SAMHD1: variants seen among roughly 807,000 people sequenced by gnomAD.
SAMHD1 encodes the protein SAM and HD domain containing deoxynucleoside triphosphate triphosphohydrolase 1.
SAMHD1 carries 54 observed loss-of-function variants against 79.6 expected under a neutral mutation model. The observed-to-expected ratio is 0.68, with a 90% CI of 0.55 to 0.85. The LOEUF (loss-of-function observed/expected upper bound fraction) is 0.85. Ranked by LOEUF, SAMHD1 falls within the 40% of genes least tolerant of loss-of-function variation. SAMHD1 has a pLI of 0.00. For synonymous variants in SAMHD1, 260 were observed against 264.1 expected (o/e 0.98, Z 0.15); for missense variants, 663 against 782.7 (o/e 0.85, Z 1.82).
chr20:36,934,642 GTTTTCT>G (rs1027236251), intron 4 of SAMHD1: 1 of 133,288 alleles, frequency 7.5e-6, no homozygotes, highest in Non-Finnish European at 1.6e-5. Flanking sequence ...TTTTTTTCCT[GTTTTCT>G]TTTTCTTTCT....
chr20:36,951,653 T>G lies in SAMHD1; in HGVS notation c.-10A>C, dbSNP rs199721283. The G allele has an allele frequency of 6.2e-7, 1 of 1,612,848 alleles. No individual in the cohort carries two copies. Among genetic ancestry groups the G allele is most frequent in the Admixed American group, 1.7e-5 (1 of 60,024 alleles). ...AATCGGCTCGCTGCATGGCTACACC[T>G]GGCGTCCGGCACAGCAGTCAAGAAC... On this transcript the variant is annotated 5_prime_UTR_variant, in exon 1 of 16. Coordinates refer to ENST00000646673, the MANE Select transcript of SAMHD1 (RefSeq NM_015474.4).
At chr20:36,951,361 G>T in intron 1 of SAMHD1, 75 bp downstream of exon 1, 2 of 1,595,204 alleles carry the variant, frequency 1.3e-6, no homozygotes. Context: ...CTCTCGTGGG[G>T]CCCCCTCCCT....
downstream of SAMHD1, chr20:36,890,156 G>A (rs1990025737): frequency 6.6e-6 from 1 of 152,230 alleles, no homozygotes; most frequent in African/African-American, 2.4e-5. Context: ...TATGAAAGGA[G>A]TAAATGAGTA....
At chr20:36,925,098 G>T (rs369438744) in intron 6 of SAMHD1, among the ~76,000 whole-genome samples, 1 of 150,578 alleles carries the variant, frequency 6.6e-6, no homozygotes, top group African/African-American at 2.4e-5. Flanking sequence ...GGAGGTTGCA[G>T]TGAGCCAAGA....
chr20:36,924,040 G>A (rs536892093), intron 6 of SAMHD1, among the ~76,000 whole-genome samples: 2 of 152,056 alleles, frequency 1.3e-5, no homozygotes, highest in Non-Finnish European at 2.9e-5. Context: ...GCTTGAGCTC[G>A]GGAGTTGAGA....
In SAMHD1 at chr20:36,930,858, C is replaced by T; in HGVS notation, c.527G>A (p.Gly176Glu). 2.5e-6 allele frequency: 4 copies of T among 1,613,148 alleles called. No homozygotes were observed. The highest frequency in any genetic ancestry group is 2.5e-6 in the Non-Finnish European group (3 of 1,179,180). The part of the protein sequence containing the change: ...EHSLGVGYLA[G>E]CLVHALGEKQ... Reference sequence around the variant, plus strand: ...TTCACCCAGTGCGTGAACTAGACATCCTGCTAGATACCCCACCCTGCAGAG... The same window carrying T: ...TTCACCCAGTGCGTGAACTAGACATTCTGCTAGATACCCCACCCTGCAGAG... Residue 176 changes from glycine (G) to glutamate (E), a missense_variant, in exon 5 of 16, where the codon GGA becomes GAA. Coordinates refer to ENST00000646673, the MANE Select transcript of SAMHD1 (RefSeq NM_015474.4).
intron 11 of SAMHD1, among the ~76,000 whole-genome samples, chr20:36,910,116 G>A (rs943562697): frequency 7.9e-5 from 12 of 151,412 alleles, no homozygotes; most frequent in African/African-American, 2.7e-4. Flanking sequence ...CCAGCTACTC[G>A]GGAGGCTGAG....
intron 2 of SAMHD1, 62 bp from the exon 3 acceptor site, chr20:36,941,173 T>C (rs1600390102): frequency 9.2e-7 from 1 of 1,092,090 alleles, no homozygotes; most frequent in Non-Finnish European, 1.4e-6. Context: ...CCCTGCAGTA[T>C]ATAGTAGACA....
chr20:36,919,633 T>C, intron 6 of SAMHD1, 114 bp from the exon 7 acceptor site: 1 of 940,086 alleles, frequency 1.1e-6, no homozygotes, highest in South Asian at 1.5e-5. Flanking sequence ...TATTGCATAT[T>C]AATTCTCTAG....
In SAMHD1 at chr20:36,937,140, C is replaced by CAA. The variant is rs11286688; in HGVS notation, c.349-1953_349-1952dup. Among the ~76,000 whole-genome samples, 104 of 117,646 alleles carry CAA rather than the reference C, an allele frequency of 8.8e-4. 1 individual carries two copies. The highest frequency in any genetic ancestry group is 3.0e-3 in the African/African-American group (100 of 32,856). 77.2% of individuals were successfully genotyped at this position (117,646 alleles called of 152,430 possible). On this transcript the variant is annotated intron_variant, in intron 3 of 15. Transcript: ENST00000646673. ...TGGGCAACAGAGTGAGACTCTATCT[C>CAA]AAAAAAAAAAAAAAAAAAGATTCAT...
intron 13 of SAMHD1, among the ~76,000 whole-genome samples, chr20:36,903,677 G>A (rs1007589903): frequency 6.6e-6 from 1 of 151,626 alleles, no homozygotes; most frequent in African/African-American, 2.4e-5. Context: ...AGCCTCCCGA[G>A]TAGCTGGGAC....
chr20:36,927,043 T>C (rs1483179245), intron 6 of SAMHD1, 139 bp downstream of exon 6: 8 of 701,494 alleles, frequency 1.1e-5, no homozygotes, highest in Non-Finnish European at 1.8e-5. Flanking sequence ...TATATATATA[T>C]ATGTGAATGA....
At chr20:36,900,233 G>A (rs1990277292) in intron 13 of SAMHD1, among the ~76,000 whole-genome samples, 2 of 152,108 alleles carry the variant, frequency 1.3e-5, no homozygotes, top group Admixed American at 1.3e-4. Context: ...GGATGACTAC[G>A]ACTATAGTTA....
intron 4 of SAMHD1, among the ~76,000 whole-genome samples, chr20:36,932,411 G>A (rs78378047): frequency 0.18 from 25,420 of 137,908 alleles, 3,139 homozygotes; most frequent in South Asian, 0.25. Flanking sequence ...GGGGGGTTGC[G>A]GGGGGAGACA....
intron 15 of SAMHD1, 74 bp from the exon 16 acceptor site, chr20:36,893,140 T>C: frequency 6.4e-7 from 1 of 1,566,064 alleles, no homozygotes; most frequent in South Asian, 1.1e-5. Flanking sequence ...AGTGAAAGTC[T>C]CAAGTGCGCA....
intron 9 of SAMHD1, among the ~76,000 whole-genome samples, chr20:36,915,766 T>C (rs2063470632): frequency 6.6e-6 from 1 of 151,598 alleles, no homozygotes; most frequent in Non-Finnish European, 1.5e-5. Flanking sequence ...AGAAAAGTTT[T>C]ATACAGATTT....
chr20:36,923,490 A>G (rs910294727), intron 6 of SAMHD1, among the ~76,000 whole-genome samples: 1 of 152,144 alleles, frequency 6.6e-6, no homozygotes, highest in Non-Finnish European at 1.5e-5. Flanking sequence ...GTAGTTTTAA[A>G]TATATCAATG....
chr20:36,935,253 G>A, intron 3 of SAMHD1, 64 bp from the exon 4 acceptor site: 1 of 1,337,142 alleles, frequency 7.5e-7, no homozygotes. Context: ...TTTGTGTGCA[G>A]CCATTCCTAA....
intron 13 of SAMHD1, among the ~76,000 whole-genome samples, chr20:36,900,199 G>C (rs1350234696): frequency 6.6e-6 from 1 of 152,142 alleles, no homozygotes; most frequent in Admixed American, 6.5e-5. Flanking sequence ...GGAGGAGTAA[G>C]TTCTAGGGTT....
Sources: allele counts gnomAD v4.1 joint callset (sites outside exome capture counted in the v4.1 genomes callset), GRCh38; gene constraint gnomAD v4.1.1; transcripts MANE v1.5; gene names NCBI Gene and HGNC (gene_info 2026-07-23, HGNC 2026-07-21).